Variants in EPB41L3 observed in about 807,000 individuals in gnomAD.
The protein encoded by EPB41L3 is band 4.1-like protein 3.
EPB41L3 carries 57 observed loss-of-function variants against 127.1 expected under a neutral mutation model. The observed-to-expected ratio is 0.45, with a 90% CI of 0.36 to 0.56. The LOEUF (loss-of-function observed/expected upper bound fraction) is 0.56, where lower values mean the gene tolerates loss of function less well. EPB41L3 is among the 20% of genes least tolerant of loss of function. The pLI is 0.00. For synonymous variants in EPB41L3, 572 were observed against 549.5 expected, an observed-to-expected ratio of 1.04 and a Z score of -0.57; for missense variants, 1,273 against 1,372.2, an observed-to-expected ratio of 0.93 and a Z score of 1.14.
intron 5 of EPB41L3, among the ~76,000 whole-genome samples, chr18:5,439,931 T>C (rs1333520141): frequency 1.3e-5 from 2 of 152,220 alleles, no homozygotes; most frequent in Non-Finnish European, 2.9e-5. Flanking sequence ...CTGAATCCAA[T>C]GAATAGTTTA....
At position 5,420,046 on chromosome 18, in the gene EPB41L3, T is replaced by C. The variant is rs139861551; in HGVS notation, c.1340-169A>G. 1.2e-3 allele frequency: 1,717 copies of C among 1,426,330 alleles called. 18 individuals carry two copies. The highest frequency in any genetic ancestry group is 7.9e-4 in the Non-Finnish European group (858 of 1,083,146). The allele number at this position is 1,426,330 out of a possible 1,614,324, so 88.4% of individuals were successfully genotyped here. A position where few individuals can be genotyped will look rare whatever the true frequency, so the allele number is the denominator to read the frequency against. On this transcript the variant is annotated intron_variant, in intron 11 of 22. Transcript: ENST00000341928. ...AAAAATACCAACACAAAATACCAGG[T>C]TTGCCTTGAAAAAACAAATCAGTGC...
chr18:5,483,852 G>A (rs2089093821), intron 2 of EPB41L3, among the ~76,000 whole-genome samples: 2 of 151,026 alleles, frequency 1.3e-5, no homozygotes, highest in South Asian at 2.1e-4. Flanking sequence ...AGAAACAGAC[G>A]GCAGTACAAT....
chr18:5,536,924 C>T (rs1053163907), intron 1 of EPB41L3, among the ~76,000 whole-genome samples: 8 of 152,162 alleles, frequency 5.3e-5, no homozygotes, highest in Admixed American at 5.2e-4. Context: ...ATGTAATCTA[C>T]ATATGAGTCT....
At position 5,433,854 on chromosome 18, in the gene EPB41L3, C is replaced by T. The variant is rs189529858; in HGVS notation, c.824+49G>A. On this transcript the variant is annotated intron_variant, in intron 7 of 22. Transcript: ENST00000341928. ...GGGAAGAGGTGGGTTGTGTGCGGGA[C>T]ACTCTCCCATCAAGGCACAACTTAA... 8.4e-5 allele frequency: 134 copies of T among 1,586,496 alleles called. No individual in the cohort carries two copies. In the African/African-American group the frequency reaches 1.6e-3, roughly 19 times the overall value.
intron 3 of EPB41L3, among the ~76,000 whole-genome samples, chr18:5,556,829 T>A (rs1306780935): frequency 6.6e-6 from 1 of 152,148 alleles, no homozygotes; most frequent in Non-Finnish European, 1.5e-5. Flanking sequence ...TGACTAAACC[T>A]GCTTCAAGGA....
chr18:5,498,594 C>CAA (rs397828412), intron 1 of EPB41L3, among the ~76,000 whole-genome samples: 6 of 70,494 alleles, frequency 8.5e-5, no homozygotes, highest in South Asian at 7.9e-4. Flanking sequence ...GACTCCATCT[C>CAA]AAAAAAAAAA....
At chr18:5,528,220 G>T (rs1024935418) in intron 1 of EPB41L3, among the ~76,000 whole-genome samples, 5 of 152,142 alleles carry the variant, frequency 3.3e-5, no homozygotes, top group Non-Finnish European at 5.9e-5. Context: ...CAAGCGTGGA[G>T]TGCAGTGGTG....
chr18:5,397,924 G>T lies in EPB41L3; in HGVS notation c.2472+97C>A. Reference sequence around the variant, plus strand: ...ACACCTTTGAGATGTTGAAGGCAAAGCCAGCTGGATGCAACCACACACTCA... The same window carrying T: ...ACACCTTTGAGATGTTGAAGGCAAATCCAGCTGGATGCAACCACACACTCA... On this transcript the variant is annotated intron_variant, in intron 17 of 22. Transcript: ENST00000341928. This position sits in a 1 kb window ranked among gnomAD's most constrained non-coding sequence, Gnocchi z 4.1. 1 of 1,481,626 alleles carries T rather than the reference G, an allele frequency of 6.7e-7. No homozygotes were observed. The highest frequency in any genetic ancestry group is 9.3e-7 in the Non-Finnish European group (1 of 1,077,820). The allele number at this position is 1,481,626 out of a possible 1,614,324, so 91.8% of individuals were successfully genotyped here. A position where few individuals can be genotyped will look rare whatever the true frequency, so the allele number is the denominator to read the frequency against.
intron 1 of EPB41L3, among the ~76,000 whole-genome samples, chr18:5,620,692 C>T (rs981453864): frequency 6.6e-6 from 1 of 152,018 alleles, no homozygotes; most frequent in African/African-American, 2.4e-5. Flanking sequence ...GCCATCTGAC[C>T]TTTTTAAAAA....
At chr18:5,563,416 G>A (rs1055962401) in intron 3 of EPB41L3, among the ~76,000 whole-genome samples, 2 of 152,250 alleles carry the variant, frequency 1.3e-5, no homozygotes, top group East Asian at 1.9e-4. Context: ...GGAGAGTCTT[G>A]CCATTCTTTA....
chr18:5,416,219 AG>A lies in EPB41L3; in HGVS notation c.1665del (p.Leu556TrpfsTer11). The A allele has an allele frequency of 6.2e-7, 1 of 1,614,158 alleles. No homozygotes were observed. Among genetic ancestry groups the A allele is most frequent in the Non-Finnish European group, 8.5e-7 (1 of 1,180,028 alleles). Reference sequence around the variant, plus strand: ...GGCCTCCCTGGGCCATCAGAGTCCAAGGCGGGCTCTCCAGGCAGGTGCTCAG... The same window carrying A: ...GGCCTCCCTGGGCCATCAGAGTCCAAGCGGGCTCTCCAGGCAGGTGCTCAG... The part of the protein sequence containing the change: ...SRAEHLPGEP[A>X]LDSDGPGRPY... On this transcript the variant is annotated frameshift_variant, in exon 13 of 23. Transcript: ENST00000341928. LOFTEE classifies it high-confidence loss of function.
At chr18:5,472,598 G>T (rs892837086) in intron 3 of EPB41L3, among the ~76,000 whole-genome samples, 5 of 152,100 alleles carry the variant, frequency 3.3e-5, no homozygotes, top group Non-Finnish European at 7.4e-5. Context: ...TTATTTTTAT[G>T]GTTTACAATT....
chr18:5,549,575 A>G (rs928081962), intron 3 of EPB41L3, among the ~76,000 whole-genome samples: 1 of 152,204 alleles, frequency 6.6e-6, no homozygotes, highest in African/African-American at 2.4e-5. Context: ...TGTCAATAAA[A>G]ATCTTAAAAA....
chr18:5,393,053 G>T lies in EPB41L3; in HGVS notation c.*432C>A, dbSNP rs1382251765. The T allele has an allele frequency of 6.3e-6, 1 of 158,808 alleles. No individual in the cohort carries two copies. The highest frequency in any genetic ancestry group is 1.4e-5 in the Non-Finnish European group (1 of 72,398). The allele number at this position is 158,808 out of a possible 1,614,324, so 9.8% of individuals were successfully genotyped here. On this transcript the variant is annotated 3_prime_UTR_variant, in exon 23 of 23. Transcript: ENST00000341928. ...CCTAGACAGCTTCTAGCATTTGAGG[G>T]TAATCTTCATTTATTGTAAATATAA...
At chr18:5,604,778 G>A (rs937843988) in intron 3 of EPB41L3, among the ~76,000 whole-genome samples, 1 of 152,038 alleles carries the variant, frequency 6.6e-6, no homozygotes, top group African/African-American at 2.4e-5. Flanking sequence ...TATTAATAAA[G>A]CAGATTGAAA....
At chr18:5,419,487 C>T (rs906881059) in intron 12 of EPB41L3, among the ~76,000 whole-genome samples, 9 of 152,170 alleles carry the variant, frequency 5.9e-5, no homozygotes, top group African/African-American at 1.9e-4. Context: ...TCTTACATAG[C>T]ACACAAGTTA....
intron 14 of EPB41L3, among the ~76,000 whole-genome samples, chr18:5,408,589 T>C (rs1381194869): frequency 6.6e-6 from 1 of 151,864 alleles, no homozygotes; most frequent in Non-Finnish European, 1.5e-5. Context: ...TTCTTGAATG[T>C]ATATAGTTAA....
intron 3 of EPB41L3, among the ~76,000 whole-genome samples, chr18:5,446,781 G>A (rs2081538998): frequency 6.6e-6 from 1 of 152,142 alleles, no homozygotes; most frequent in Non-Finnish European, 1.5e-5. Flanking sequence ...GTTCCATAAA[G>A]TATTATGAAA....
At chr18:5,560,286 A>T (rs1025995400) in intron 3 of EPB41L3, among the ~76,000 whole-genome samples, 3 of 152,206 alleles carry the variant, frequency 2.0e-5, no homozygotes, top group African/African-American at 7.2e-5. Flanking sequence ...CAACAGCCTG[A>T]TGAGTGATGG....
Sources: allele counts gnomAD v4.1 joint callset (sites outside exome capture counted in the v4.1 genomes callset), GRCh38; gene constraint gnomAD v4.1.1; non-coding constraint Gnocchi (gnomAD v3.1); transcripts MANE v1.5; gene names NCBI Gene and HGNC (gene_info 2026-07-23, HGNC 2026-07-21).